ATG7: variants seen among roughly 807,000 people sequenced by gnomAD.
ATG7 encodes autophagy related 7, also known as ubiquitin-like modifier-activating enzyme ATG7.
Under a neutral mutation model 82.4 loss-of-function variants are expected in ATG7, and 70 were observed. The observed-to-expected ratio is 0.85, with a 90% CI of 0.70 to 1.04. ATG7 has a LOEUF of 1.04. ATG7 is among the 50% of genes least tolerant of loss of function. ATG7 has a pLI of 0.00. For missense variants in ATG7, 792 were observed against 864.3 expected (o/e 0.92, Z 1.05); for synonymous variants, 287 against 313.0 (o/e 0.92, Z 0.88).
At chr3:11,334,953 C>CAA (rs57211483) in intron 11 of ATG7, among the ~76,000 whole-genome samples, 2,400 of 119,302 alleles carry the variant, frequency 0.02, 72 homozygotes, top group African/African-American at 0.057. Context: ...GACTCTGTCT[C>CAA]AAAAAAAAAA....
chr3:11,549,709 A>C (rs2071600704), intron 20 of ATG7, among the ~76,000 whole-genome samples: 1 of 152,172 alleles, frequency 6.6e-6, no homozygotes, highest in African/African-American at 2.4e-5. Context: ...ATTCTGGCTC[A>C]AGTTTTTCTG....
intron 20 of ATG7, among the ~76,000 whole-genome samples, chr3:11,502,880 C>T (rs1463010222): frequency 1.3e-5 from 2 of 152,196 alleles, no homozygotes; most frequent in East Asian, 3.8e-4. Context: ...GGACAGACAA[C>T]TGCCCTCTCT....
At chr3:11,416,434 G>C (rs1403385364) in intron 19 of ATG7, among the ~76,000 whole-genome samples, 1 of 151,976 alleles carries the variant, frequency 6.6e-6, no homozygotes, top group Non-Finnish European at 1.5e-5. Context: ...TTGAGTTTTG[G>C]TGGATTCTGT....
chr3:11,352,126 T>C (rs1165430751), intron 14 of ATG7, among the ~76,000 whole-genome samples: 1 of 152,090 alleles, frequency 6.6e-6, no homozygotes, highest in Non-Finnish European at 1.5e-5. Context: ...TTTGTGATAA[T>C]TTGCTCAGAA....
At chr3:11,453,706 A>T (rs1476501188) in intron 20 of ATG7, among the ~76,000 whole-genome samples, 3 of 152,032 alleles carry the variant, frequency 2.0e-5, no homozygotes, top group African/African-American at 7.2e-5. Flanking sequence ...CATTGTGTGA[A>T]TTGGCAATTG....
chr3:11,433,159 T>C (rs1576378318), intron 20 of ATG7, among the ~76,000 whole-genome samples: 2 of 151,992 alleles, frequency 1.3e-5, no homozygotes, highest in Admixed American at 1.3e-4. Context: ...CCAGGCATGG[T>C]GACACACCAG....
chr3:11,574,701 T>A, the ATG7 span, among the ~76,000 whole-genome samples: 1 of 152,020 alleles, frequency 6.6e-6, no homozygotes, highest in Non-Finnish European at 1.5e-5. Context: ...CTAACCACCC[T>A]GAGCTCATCA....
rs73812445 is a variant in ATG7 at position 11,392,797 on chromosome 3, G to A, written c.1956+12745G>A. 7.2e-3 allele frequency among the ~76,000 whole-genome samples: 1,091 copies of A among 152,258 alleles called. 17 individuals are homozygous for A. Among genetic ancestry groups the A allele is most frequent in the African/African-American group, 0.024 (1,000 of 41,536 alleles). ...TGAACTGATTTTGTGGCTCCTAATGGTGCAAGTTTTTTGTTTGTTTGGTAG... is the reference window on the plus strand; with the variant it reads ...TGAACTGATTTTGTGGCTCCTAATGATGCAAGTTTTTTGTTTGTTTGGTAG... On this transcript the variant is annotated intron_variant, in intron 19 of 20. Transcript: ENST00000693202.
At chr3:11,554,700 G>A in intron 20 of ATG7, 111 bp from the exon 21 acceptor site, 1 of 1,290,982 alleles carries the variant, frequency 7.7e-7, no homozygotes, top group South Asian at 1.4e-5. Flanking sequence ...AGAAACAAGG[G>A]AGTGGTTCTG....
the ATG7 span, among the ~76,000 whole-genome samples, chr3:11,564,515 G>C: frequency 6.6e-6 from 1 of 152,218 alleles, no homozygotes; most frequent in South Asian, 2.1e-4. Context: ...AGAGGAAAGA[G>C]ATGAAGCCCC....
chr3:11,422,628 A>G (rs1466111626), intron 19 of ATG7, among the ~76,000 whole-genome samples: 2 of 151,452 alleles, frequency 1.3e-5, no homozygotes, highest in African/African-American at 4.9e-5. Flanking sequence ...ATTTCCTTCT[A>G]GAACTTTCCC....
chr3:11,304,085 C>T (rs1021374975), intron 5 of ATG7, among the ~76,000 whole-genome samples: 2 of 152,076 alleles, frequency 1.3e-5, no homozygotes, highest in African/African-American at 2.4e-5. Context: ...AGTGAGACTC[C>T]GTCTCAAAAA....
Position 11,554,905 on chromosome 3 carries a change from G to C in ATG7, c.*62G>C. ...CCTGCTGAGGAGCTCTCCATCGCCAGAGCAGGACTGCTGACCCCAGGCCTG... is the reference window on the plus strand; with the variant it reads ...CCTGCTGAGGAGCTCTCCATCGCCACAGCAGGACTGCTGACCCCAGGCCTG... On this transcript the variant is annotated 3_prime_UTR_variant, in exon 21 of 21. Transcript: ENST00000693202. 2 of 1,583,738 alleles carry C rather than the reference G, an allele frequency of 1.3e-6. No individual in the cohort carries two copies. Among genetic ancestry groups the C allele is most frequent in the Non-Finnish European group, 1.7e-6 (2 of 1,165,012 alleles).
At chr3:11,521,080 A>G (rs1441808973) in intron 20 of ATG7, among the ~76,000 whole-genome samples, 1 of 152,192 alleles carries the variant, frequency 6.6e-6, no homozygotes, top group Non-Finnish European at 1.5e-5. Context: ...GATATGGGGA[A>G]CATGGTAAAA....
chr3:11,299,518 A>G, intron 5 of ATG7, 102 bp downstream of exon 5: 1 of 1,249,492 alleles, frequency 8.0e-7, no homozygotes, highest in Non-Finnish European at 1.2e-6. Context: ...AGGACTAGGG[A>G]AGTTCCCGGT....
intron 20 of ATG7, among the ~76,000 whole-genome samples, chr3:11,492,436 C>T (rs899920480): frequency 7.2e-5 from 11 of 152,360 alleles, no homozygotes; most frequent in East Asian, 1.9e-4. Context: ...GTGTCACTCA[C>T]GCTGGGAGCT....
chr3:11,372,851 C>CGTGTGTGT (rs10666472), intron 18 of ATG7, among the ~76,000 whole-genome samples: 5 of 83,348 alleles, frequency 6.0e-5, no homozygotes, highest in African/African-American at 1.2e-4. Context: ...CGTGCGTGTG[C>CGTGTGTGT]GTGTGTGTGT....
intron 20 of ATG7, among the ~76,000 whole-genome samples, chr3:11,482,827 A>G (rs2089172320): frequency 6.6e-6 from 1 of 151,622 alleles, no homozygotes; most frequent in African/African-American, 2.4e-5. Flanking sequence ...ATTTGTATAC[A>G]ATTAAGTGCA....
At chr3:11,280,890 C>G (rs913110220) in intron 1 of ATG7, 104 bp from the exon 2 acceptor site, 11 of 152,198 alleles carry the variant, frequency 7.2e-5, no homozygotes, top group African/African-American at 2.4e-4. Context: ...AAGCCAAAGA[C>G]GTACTGCTAT....
Sources: allele counts gnomAD v4.1 joint callset (sites outside exome capture counted in the v4.1 genomes callset), GRCh38; gene constraint gnomAD v4.1.1; transcripts MANE v1.5; gene names NCBI Gene and HGNC (gene_info 2026-07-23, HGNC 2026-07-21).